The following TPTE2 variants were observed in gnomAD, a reference collection of about 807,000 sequenced individuals.
TPTE2 encodes transmembrane phosphoinositide 3-phosphatase and tensin homolog 2.
Under a neutral mutation model 78.6 loss-of-function variants are expected in TPTE2, and 53 were observed. The ratio of observed to expected loss-of-function variants is 0.67; its 90% CI spans 0.54 to 0.85. The LOEUF (loss-of-function observed/expected upper bound fraction) is 0.85. TPTE2 is among the 40% of genes least tolerant of loss of function. The probability of loss-of-function intolerance (pLI) is 0.00; values close to 1 mark genes in which losing one functional copy is unlikely to be tolerated. For synonymous variants in TPTE2, 175 were observed against 206.2 expected (o/e 0.85, Z 1.30); for missense variants, 461 against 623.0 (o/e 0.74, Z 2.77).
At chr13:19,432,891 A>G (rs1363773567) in intron 15 of TPTE2, among the ~76,000 whole-genome samples, 3 of 152,280 alleles carry the variant, frequency 2.0e-5, no homozygotes, top group Middle Eastern at 3.4e-3. Flanking sequence ...ATCAGTGTCC[A>G]GACAGAAGCT....
chr13:19,550,012 T>G, the TPTE2 span, among the ~76,000 whole-genome samples: 4 of 104,908 alleles, frequency 3.8e-5, no homozygotes, highest in Non-Finnish European at 4.4e-5. Flanking sequence ...GGGGGGAGGG[T>G]GGGAGGAGAA....
At position 19,496,967 on chromosome 13, in the gene TPTE2, C is replaced by T. The variant is rs1479400417; in HGVS notation, c.12-3466G>A. On this transcript the variant is annotated intron_variant, in intron 1 of 19. Transcript: ENST00000400230. ...GCACCGTGCGCGAGCCGAAGCAGGG[C>T]GAGGCATTGCCTCACTTGGGAAGTG... Among the ~76,000 whole-genome samples the T allele has an allele frequency of 7.9e-5, 12 of 152,268 alleles. No homozygotes were observed. The Middle Eastern group carries it at 0.01, about 129-fold the overall frequency.
intron 1 of TPTE2, among the ~76,000 whole-genome samples, chr13:19,510,605 C>G (rs1462625103): frequency 1.3e-5 from 2 of 152,082 alleles, no homozygotes; most frequent in Non-Finnish European, 2.9e-5. Flanking sequence ...GGGTACAAAC[C>G]TCCAAACAAT....
At chr13:19,440,645 C>G (rs1695436430) in intron 13 of TPTE2, among the ~76,000 whole-genome samples, 2 of 152,026 alleles carry the variant, frequency 1.3e-5, no homozygotes, top group African/African-American at 4.8e-5. Context: ...TGGTGCACAC[C>G]TGTAATCCCA....
chr13:19,504,232 A>G (rs1053101344), upstream of TPTE2, among the ~76,000 whole-genome samples: 3 of 152,148 alleles, frequency 2.0e-5, no homozygotes, highest in Admixed American at 6.5e-5. Flanking sequence ...AATTGAAGGA[A>G]GCACAAACTA....
At chr13:19,540,409 A>T (rs1461105418), upstream of TPTE2, among the ~76,000 whole-genome samples, 6 of 151,650 alleles carry the variant, frequency 4.0e-5, no homozygotes, top group Non-Finnish European at 8.8e-5. Context: ...GGTTCAAGCG[A>T]TCCTCCCACC....
chr13:19,504,014 A>G (rs1868816276), upstream of TPTE2, among the ~76,000 whole-genome samples: 1 of 152,062 alleles, frequency 6.6e-6, no homozygotes. Flanking sequence ...TGCTGGGATT[A>G]CAGGCATGAG....
intron 14 of TPTE2, among the ~76,000 whole-genome samples, chr13:19,437,325 G>A (rs929298980): frequency 5.9e-4 from 90 of 152,084 alleles, no homozygotes; most frequent in African/African-American, 2.0e-3. Context: ...CAAACAACTC[G>A]AGCAGAGCTG....
At chr13:19,468,318 GGCATGA>G (rs1879415906) in intron 6 of TPTE2, among the ~76,000 whole-genome samples, 1 of 151,996 alleles carries the variant, frequency 6.6e-6, no homozygotes, top group South Asian at 2.1e-4. Context: ...TGGGATTACA[GGCATGA>G]GCCATTGCAC....
At chr13:19,481,392 G>A (rs1880346173) in intron 4 of TPTE2, among the ~76,000 whole-genome samples, 1 of 152,132 alleles carries the variant, frequency 6.6e-6, no homozygotes. Context: ...GAAAGTTAAA[G>A]AGGGTTAGTG....
upstream of TPTE2, among the ~76,000 whole-genome samples, chr13:19,506,612 A>G (rs1869069994): frequency 6.6e-6 from 1 of 152,188 alleles, no homozygotes; most frequent in South Asian, 2.1e-4. Flanking sequence ...CTTTTGGTCA[A>G]ATAGCTGCAG....
rs1473662828 is a variant in TPTE2 at position 19,484,867 on chromosome 13, T to C, written c.120-2320A>G. On this transcript the variant is annotated intron_variant, in intron 3 of 19. Transcript: ENST00000400230. ...CATCCCTTCATTATCAGTCTATGTG[T>C]TTCTTTACCGGTAAGATGAGTTTCT... is the stretch of plus-strand genomic sequence containing the variant. Among the ~76,000 whole-genome samples the C allele has an allele frequency of 2.6e-5, 4 of 152,288 alleles. No individual in the cohort carries two copies. The East Asian group carries it at 7.7e-4, about 29-fold the overall frequency.
chr13:19,443,632 G>A (rs552462417), intron 13 of TPTE2, among the ~76,000 whole-genome samples: 3 of 151,922 alleles, frequency 2.0e-5, no homozygotes, highest in Admixed American at 6.6e-5. Context: ...TTAAACTCCT[G>A]GCCTCAAGTG....
At chr13:19,464,786 C>T (rs1229069800) in intron 9 of TPTE2, among the ~76,000 whole-genome samples, 1 of 152,142 alleles carries the variant, frequency 6.6e-6, no homozygotes, top group South Asian at 2.1e-4. Flanking sequence ...TCTGAAGTTC[C>T]CCCTGTTCTT....
intron 13 of TPTE2, among the ~76,000 whole-genome samples, chr13:19,439,369 C>A (rs1432458468): frequency 2.0e-5 from 3 of 151,718 alleles, no homozygotes; most frequent in South Asian, 4.2e-4. Context: ...AAAGACCCTA[C>A]CCAGCATGCT....
At chr13:19,451,181 T>G (rs562430201) in exon 11 of TPTE2, 70 of 1,613,382 alleles carry the variant, frequency 4.3e-5, no homozygotes, top group Non-Finnish European at 5.7e-5. Context: ...GATTGTAGAC[T>G]CGATAGTGGT....
intron 1 of TPTE2, among the ~76,000 whole-genome samples, chr13:19,530,386 C>G (rs1870791493): frequency 2.0e-5 from 3 of 152,212 alleles, no homozygotes; most frequent in Admixed American, 1.3e-4. Context: ...GTCACATCTA[C>G]TGACCTCAGC....
intron 1 of TPTE2, among the ~76,000 whole-genome samples, chr13:19,526,068 A>G (rs987582945): frequency 7.2e-5 from 11 of 152,308 alleles, no homozygotes; most frequent in African/African-American, 2.6e-4. Context: ...AGGAAAGGGA[A>G]TGCTTATACA....
chr13:19,543,371 T>G, the TPTE2 span, among the ~76,000 whole-genome samples: 1 of 87,136 alleles, frequency 1.1e-5, no homozygotes, highest in Non-Finnish European at 2.7e-5. Flanking sequence ...TTTTTTTTTT[T>G]CTTAAGAGAG....
Sources: allele counts gnomAD v4.1 joint callset (sites outside exome capture counted in the v4.1 genomes callset), GRCh38; gene constraint gnomAD v4.1.1; transcripts MANE v1.5; gene names NCBI Gene and HGNC (gene_info 2026-07-23, HGNC 2026-07-21).